Variants in SDF4 observed in about 807,000 individuals in gnomAD.
The protein encoded by SDF4 is 45 kDa calcium-binding protein.
In SDF4, 22 loss-of-function variants were observed where a neutral mutation model predicts 34.2. The ratio of observed to expected loss-of-function variants is 0.64; its 90% CI spans 0.46 to 0.92. The LOEUF is 0.92. SDF4 is among the 40% of genes least tolerant of loss of function. The probability of loss-of-function intolerance (pLI) is 0.00; values close to 1 mark genes in which losing one functional copy is unlikely to be tolerated. For synonymous variants in SDF4, 236 were observed against 203.1 expected (o/e 1.16, Z -1.38); for missense variants, 447 against 499.9 (o/e 0.89, Z 1.01).
In SDF4 at chr1:1,217,480, C is replaced by T. The variant is rs756673620; in HGVS notation, c.*32G>A. The T allele has an allele frequency of 1.4e-5, 20 of 1,462,172 alleles. No homozygotes were observed. In the East Asian group the frequency reaches 2.1e-4, roughly 16 times the overall value. 90.6% of individuals were successfully genotyped at this position (1,462,172 alleles called of 1,614,324 possible). Reference sequence around the variant, plus strand: ...CACCCGCGAGGCCGCCCCGGTGGTGCGTGGGGGGCGGCGCGGGGCGCGGCC... The same window carrying T: ...CACCCGCGAGGCCGCCCCGGTGGTGTGTGGGGGGCGGCGCGGGGCGCGGCC... On this transcript the variant is annotated 3_prime_UTR_variant, in exon 7 of 7. Transcript: ENST00000360001. This position sits in a 1 kb window ranked among gnomAD's most constrained non-coding sequence, Gnocchi z 8.5.
chr1:1,217,375 A>T lies in SDF4; in HGVS notation c.*137T>A. On this transcript the variant is annotated 3_prime_UTR_variant, in exon 7 of 7. Coordinates refer to ENST00000360001, the MANE Select transcript of SDF4 (RefSeq NM_016176.6). This position sits in a 1 kb window ranked among gnomAD's most constrained non-coding sequence, Gnocchi z 8.5. ...TGCAGAGGGGACACGCCGCTCATCA[A>T]CTGGGGCAGCCGCGGTCGGTCGGCC... 1 of 693,738 alleles carries T rather than the reference A, an allele frequency of 1.4e-6. No homozygotes were observed. The highest frequency in any genetic ancestry group is 2.0e-6 in the Non-Finnish European group (1 of 505,300). 43.0% of individuals were successfully genotyped at this position (693,738 alleles called of 1,614,324 possible).
intron 4 of SDF4, chr1:1,219,833 T>C: frequency 1.0e-6 from 1 of 985,856 alleles, no homozygotes; most frequent in Non-Finnish European, 1.2e-6. Context: ...GACTCTGCCC[T>C]GGCCGAAGCC....
intron 4 of SDF4, among the ~76,000 whole-genome samples, chr1:1,222,977 A>G (rs76888271): frequency 0.12 from 17,427 of 151,510 alleles, 1,139 homozygotes; most frequent in East Asian, 0.18. Flanking sequence ...ACACACGTAC[A>G]AGCACATGCA....
intron 3 of SDF4, 92 bp downstream of exon 3, chr1:1,223,740 A>T: frequency 8.3e-7 from 1 of 1,210,508 alleles, no homozygotes; most frequent in Non-Finnish European, 1.2e-6. Flanking sequence ...CGTCCCTCAG[A>T]CAGGGCCTGT....
chr1:1,217,695 G>A lies in SDF4; in HGVS notation c.892-7C>T. 6.2e-7 allele frequency: 1 copy of A among 1,613,562 alleles called. No individual in the cohort carries two copies. Among genetic ancestry groups the A allele is most frequent in the Non-Finnish European group, 8.5e-7 (1 of 1,179,904 alleles). ...TCATGGGGTCCATGTAGCTCTGCGG[G>A]CGAGCGGGGCACAGGTCAGCGTCGC... On this transcript the variant is annotated splice_polypyrimidine_tract_variant and splice_region_variant and intron_variant, in intron 6 of 6. Coordinates refer to ENST00000360001, the MANE Select transcript of SDF4 (RefSeq NM_016176.6). The surrounding 1 kb of genome is among the most constrained non-coding windows in gnomAD (Gnocchi z 8.5).
At chr1:1,227,598 C>T (rs1201600044) in intron 2 of SDF4, among the ~76,000 whole-genome samples, 1 of 152,208 alleles carries the variant, frequency 6.6e-6, no homozygotes, top group Non-Finnish European at 1.5e-5. Context: ...CCTGGCTGGC[C>T]TGGGGGACTC....
At chr1:1,221,992 G>A (rs55683245) in intron 4 of SDF4, among the ~76,000 whole-genome samples, 17,440 of 152,252 alleles carry the variant, frequency 0.11, 1,142 homozygotes, top group East Asian at 0.17. Context: ...ACTCTGGTGA[G>A]GAAATGTGTG....
At chr1:1,223,802 G>T in intron 3 of SDF4, 30 bp downstream of exon 3, 1 of 127,970 alleles carries the variant, frequency 7.8e-6, no homozygotes, top group South Asian at 5.0e-5. Context: ...CCCGCCCACC[G>T]CCCCACCCAC....
intron 2 of SDF4, among the ~76,000 whole-genome samples, chr1:1,224,478 C>G (rs999684583): frequency 6.6e-6 from 1 of 152,174 alleles, no homozygotes; most frequent in African/African-American, 2.4e-5. Flanking sequence ...TACGGTTTCA[C>G]CATGTTGGGC....
chr1:1,219,360 C>A, intron 4 of SDF4: 2 of 1,074,728 alleles, frequency 1.9e-6, no homozygotes, highest in Non-Finnish European at 1.1e-6. Flanking sequence ...CAGGACACAG[C>A]TCAGAGCCCC....
At position 1,223,929 on chromosome 1, in the gene SDF4, C is replaced by T; in HGVS notation, c.345G>A (p.Glu115=). The change falls in exon 3 of 7, where the codon GAG becomes GAA. Residue 115 remains glutamate (E), a synonymous_variant. Transcript: ENST00000360001. ...VNTDRKISAK[E]MQRWIMEKTA... is the part of the protein sequence containing the mutation. The stretch of plus-strand genomic sequence containing the variant: ...TCTTCTCCATGATCCAGCGCTGCAT[C>T]TCCTTGGCACTGATCTTCCGGTCAG... 1.9e-6 allele frequency: 3 copies of T among 1,611,680 alleles called. No individual in the cohort carries two copies. Among genetic ancestry groups the T allele is most frequent in the Non-Finnish European group, 1.7e-6 (2 of 1,179,856 alleles).
chr1:1,225,720 C>T (rs575633764), intron 2 of SDF4, among the ~76,000 whole-genome samples: 4 of 151,968 alleles, frequency 2.6e-5, no homozygotes, highest in African/African-American at 4.8e-5. Flanking sequence ...ACGCTCCACA[C>T]GCCACAGACA....
At position 1,220,795 on chromosome 1, in the gene SDF4, C is replaced by T. The variant is rs537160201; in HGVS notation, c.557-1868G>A. 9.0e-5 allele frequency: 115 copies of T among 1,276,306 alleles called. No individual in the cohort carries two copies. In the African/African-American group the frequency reaches 1.6e-3, roughly 18 times the overall value. 79.1% of individuals were successfully genotyped at this position (1,276,306 alleles called of 1,614,324 possible). ...GACAGACACAATCAGAGTTGGGGGG[C>T]GGGCACGGGCAAGGCCTCCTGCCCC... On this transcript the variant is annotated intron_variant, in intron 4 of 6. Transcript: ENST00000360001.
rs746884154 is a variant in SDF4 at position 1,217,704 on chromosome 1, G to T, written c.892-16C>A. The T allele has an allele frequency of 3.7e-6, 6 of 1,613,252 alleles. No homozygotes were observed. Among genetic ancestry groups the T allele is most frequent in the Non-Finnish European group, 5.1e-6 (6 of 1,179,822 alleles). On this transcript the variant is annotated splice_polypyrimidine_tract_variant and intron_variant, in intron 6 of 6. Transcript: ENST00000360001. The surrounding 1 kb of genome is among the most constrained non-coding windows in gnomAD (Gnocchi z 8.5). ...CCATGTAGCTCTGCGGGCGAGCGGG[G>T]CACAGGTCAGCGTCGCCTTTCCCCC... is the stretch of plus-strand genomic sequence containing the variant.
chr1:1,225,359 A>G (rs541728500), intron 2 of SDF4, among the ~76,000 whole-genome samples: 1 of 152,234 alleles, frequency 6.6e-6, no homozygotes, highest in East Asian at 1.9e-4. Flanking sequence ...CGGCCACGTT[A>G]TGAGGTGGCA....
chr1:1,221,094 G>C (rs1570478811), intron 4 of SDF4: 1 of 279,032 alleles, frequency 3.6e-6, no homozygotes, highest in East Asian at 9.6e-5. Flanking sequence ...CTTACTTTTA[G>C]TTTTTTTAAT....
rs1057121950 is a variant in SDF4, at chr1:1,218,988, A to G, written c.557-61T>C. ...CAGACGCCAGCACGCAAATCCAGAA[A>G]GTTCCGAGAGGTGCTGCCTGAACTC... On this transcript the variant is annotated intron_variant, in intron 4 of 6. Coordinates refer to ENST00000360001, the MANE Select transcript of SDF4 (RefSeq NM_016176.6). The surrounding 1 kb of genome is among the most constrained non-coding windows in gnomAD (Gnocchi z 7.9). The G allele has an allele frequency of 5.0e-6, 8 of 1,612,260 alleles. No individual in the cohort carries two copies. The highest frequency in any genetic ancestry group is 6.8e-6 in the Non-Finnish European group (8 of 1,179,780).
chr1:1,220,674 G>C (rs756899657), intron 4 of SDF4: 2 of 1,289,222 alleles, frequency 1.6e-6, no homozygotes, highest in South Asian at 2.5e-5. Context: ...GAGTCCCAAA[G>C]GTAGACGGAG....
At chr1:1,219,042 G>A in intron 4 of SDF4, 115 bp from the exon 5 acceptor site, 1 of 1,600,064 alleles carries the variant, frequency 6.2e-7, no homozygotes, top group Non-Finnish European at 8.5e-7. Context: ...CGAGACCGGG[G>A]CCCCACCCTC....
Sources: gnomAD v4.1 joint callset for allele counts (sites outside exome capture counted in the v4.1 genomes callset) on GRCh38, gnomAD v4.1.1 for gene constraint, Gnocchi (gnomAD v3.1) non-coding constraint, MANE v1.5 for transcripts, NCBI Gene and HGNC (gene_info 2026-07-23, HGNC 2026-07-21) for gene names.